CFAP74: variants seen among roughly 807,000 people sequenced by gnomAD.
CFAP74 encodes cilia- and flagella-associated protein 74.
CFAP74 carries 124 observed loss-of-function variants against 188.9 expected under a neutral mutation model. The observed-to-expected ratio is 0.66, with a 90% CI of 0.57 to 0.76. CFAP74 has a LOEUF of 0.76. CFAP74 is among the 30% of genes least tolerant of loss of function. The pLI is 0.00. For missense variants in CFAP74, 2,198 were observed against 2,165.2 expected (o/e 1.02, Z -0.30); for synonymous variants, 956 against 916.7 (o/e 1.04, Z -0.77).
intron 27 of CFAP74, among the ~76,000 whole-genome samples, chr1:1,928,118 CTTGGGAGGAAG>C (rs1256666148): frequency 4.7e-4 from 71 of 152,264 alleles, no homozygotes; most frequent in African/African-American, 5.5e-4. Flanking sequence ...AAGGCAAACC[CTTGGGAGGAAG>C]CCAGGCCGGG....
intron 27 of CFAP74, 94 bp downstream of exon 27, chr1:1,928,690 T>C: frequency 1.1e-6 from 1 of 890,716 alleles, no homozygotes; most frequent in Non-Finnish European, 1.7e-6. Context: ...TCCCGGCACG[T>C]GGCCGGAGCC....
At chr1:1,991,915 C>G (rs1657601576) in intron 1 of CFAP74, among the ~76,000 whole-genome samples, 1 of 151,798 alleles carries the variant, frequency 6.6e-6, no homozygotes, top group Non-Finnish European at 1.5e-5. Context: ...TGGCAGGCGC[C>G]TGCGGTCCCA....
chr1:1,997,472 G>T (rs1472822288), intron 1 of CFAP74, among the ~76,000 whole-genome samples: 2 of 151,180 alleles, frequency 1.3e-5, no homozygotes, highest in East Asian at 3.9e-4. Flanking sequence ...AGGGAAAAAT[G>T]GTCATTATTT....
chr1:1,956,818 C>T lies in CFAP74; in HGVS notation c.1852-34G>A, dbSNP rs771404013. 41 of 1,600,532 alleles carry T rather than the reference C, an allele frequency of 2.6e-5. No individual in the cohort carries two copies. In the East Asian group the frequency reaches 5.0e-4, roughly 20 times the overall value. On this transcript the variant is annotated intron_variant, in intron 16 of 38. Transcript: ENST00000682832. ...GGACATGGAGTGAACTCAGGGCCAC[C>T]GTGCCAGGCCCACAGGGTGCCCAGC...
chr1:1,990,272 C>G (rs568618878), intron 2 of CFAP74, among the ~76,000 whole-genome samples: 187 of 152,028 alleles, frequency 1.2e-3, no homozygotes, highest in African/African-American at 4.2e-3. Flanking sequence ...CAGCGGACTT[C>G]CGGCAAAACA....
intron 10 of CFAP74, among the ~76,000 whole-genome samples, chr1:1,969,557 C>G (rs1335785351): frequency 6.6e-6 from 1 of 152,124 alleles, no homozygotes; most frequent in Non-Finnish European, 1.5e-5. Flanking sequence ...GCCCTTATTT[C>G]TAGGCTGGCG....
chr1:1,976,855 C>CTT (rs147484570), intron 6 of CFAP74, among the ~76,000 whole-genome samples: 30,485 of 146,932 alleles, frequency 0.21, 3,948 homozygotes, highest in Non-Finnish European at 0.29. Flanking sequence ...AACCTCTTTT[C>CTT]TTTTTTTTTT....
At chr1:1,963,033 A>G (rs1206064119) in intron 14 of CFAP74, among the ~76,000 whole-genome samples, 1 of 152,252 alleles carries the variant, frequency 6.6e-6, no homozygotes, top group African/African-American at 2.4e-5. Context: ...ACAGAGTGAA[A>G]GCACGGCCTT....
chr1:1,967,287 A>G (rs563993085), intron 11 of CFAP74, among the ~76,000 whole-genome samples: 99 of 152,032 alleles, frequency 6.5e-4, no homozygotes, highest in African/African-American at 2.2e-3. Flanking sequence ...GAGAAGGGGG[A>G]ACTGGGCCGG....
chr1:1,968,781 G>C lies in CFAP74; in HGVS notation c.1099C>G (p.Leu367Val). 6.2e-7 allele frequency: 1 copy of C among 1,614,080 alleles called. No individual in the cohort carries two copies. Among genetic ancestry groups the C allele is most frequent in the Non-Finnish European group, 8.5e-7 (1 of 1,179,972 alleles). ...TTTTCCTCCTCAGCCTCCTCTTTCA[G>C]AATCCGACTGATGATCTCCTGCTTT... ...LRKQEIISRI[L>V]KEEAEEEKRK... The change falls in exon 11 of 39, where the codon CTG becomes GTG. Residue 367 changes from leucine (L) to valine (V), a missense_variant. By Grantham distance (32) the Leu-to-Val change is conservative (BLOSUM62 1). Coordinates refer to ENST00000682832, the MANE Select transcript of CFAP74 (RefSeq NM_001304360.2). This position sits in a 1 kb window ranked among gnomAD's most constrained non-coding sequence, Gnocchi z 4.3.
chr1:1,978,839 G>A (rs890439170), intron 6 of CFAP74, among the ~76,000 whole-genome samples: 2 of 152,248 alleles, frequency 1.3e-5, no homozygotes, highest in South Asian at 4.1e-4. Context: ...CCGGGACACA[G>A]CACCAGCGCC....
intron 18 of CFAP74, chr1:1,953,860 T>G (rs1654356221): frequency 6.6e-6 from 1 of 152,344 alleles, no homozygotes; most frequent in Non-Finnish European, 1.5e-5. Flanking sequence ...ATGCAAAGAC[T>G]GGACTGAAGA....
At chr1:1,993,972 A>G (rs1465237015) in intron 1 of CFAP74, among the ~76,000 whole-genome samples, 1 of 150,866 alleles carries the variant, frequency 6.6e-6, no homozygotes, top group Admixed American at 6.6e-5. Flanking sequence ...ACAGAGCAAG[A>G]CTCCGTCTCA....
chr1:1,925,792 T>C lies in CFAP74; in HGVS notation c.4095A>G (p.Ser1365=). The change falls in exon 33 of 39, where the codon TCA becomes TCG. Residue 1365 remains serine (S), a synonymous_variant. Transcript: ENST00000682832. ...GYVIAGESVS[S]GFKLQNNSLL... ...CCCACGTGTGCTTCACCTTGAAGCCTGAGGACACAGACTCTCCGGCAATCA... is the reference window on the plus strand; with the variant it reads ...CCCACGTGTGCTTCACCTTGAAGCCCGAGGACACAGACTCTCCGGCAATCA... 1 of 1,611,782 alleles carries C rather than the reference T, an allele frequency of 6.2e-7. No individual in the cohort carries two copies. Among genetic ancestry groups the C allele is most frequent in the Non-Finnish European group, 8.5e-7 (1 of 1,179,340 alleles).
chr1:1,965,895 CACT>C (rs1655433045), intron 12 of CFAP74, among the ~76,000 whole-genome samples: 2 of 152,254 alleles, frequency 1.3e-5, no homozygotes, highest in Non-Finnish European at 2.9e-5. Context: ...GCCTGAGCCA[CACT>C]GCTGCAGAGA....
In CFAP74 at chr1:1,923,469, C is replaced by T; in HGVS notation, c.4420G>A (p.Ala1474Thr). The T allele has an allele frequency of 6.2e-7, 1 of 1,611,740 alleles. No individual in the cohort carries two copies. Among genetic ancestry groups the T allele is most frequent in the Non-Finnish European group, 8.5e-7 (1 of 1,179,330 alleles). ...ACGAACATCATGTGCTGACAGGCGG[C>T]ACCCTTCAGCAGGATCTGGTGGGAG... ...KISHQILLKGAACQHMMFVEG... is the reference protein window; with the variant it reads ...KISHQILLKGTACQHMMFVEG... The change falls in exon 36 of 39, where the codon GCC (alanine) becomes ACC (threonine). Residue 1474 changes from alanine (A) to threonine (T), a missense_variant. Ala to Thr is a moderately conservative substitution (Grantham distance 58, BLOSUM62 0). Transcript: ENST00000682832. This position sits in a 1 kb window ranked among gnomAD's most constrained non-coding sequence, Gnocchi z 6.3.
Position 1,923,113 on chromosome 1 carries a change from C to CCCA in CFAP74, c.4554_4555insTGG (p.Glu1518_Ala1519insTrp). 3.1e-6 allele frequency: 5 copies of CCCA among 1,609,902 alleles called. No homozygotes were observed. The highest frequency in any genetic ancestry group is 4.2e-6 in the Non-Finnish European group (5 of 1,179,126). On this transcript the variant is annotated inframe_insertion, in exon 37 of 39. Coordinates refer to ENST00000682832, the MANE Select transcript of CFAP74 (RefSeq NM_001304360.2). This position sits in a 1 kb window ranked among gnomAD's most constrained non-coding sequence, Gnocchi z 6.3. ...ACCAGGATGGGCCTCAGCTCCTCAG[C>CCCA]TTCTGGAGAGAGAGGGCCTGGCCGG...
intron 10 of CFAP74, among the ~76,000 whole-genome samples, 194 bp downstream of exon 10, chr1:1,970,465 G>C (rs1475070385): frequency 6.6e-6 from 1 of 152,208 alleles, no homozygotes; most frequent in Non-Finnish European, 1.5e-5. Context: ...GGCAGGGCTG[G>C]GCAGGCTGAG....
chr1:1,954,804 T>G, intron 18 of CFAP74: 1 of 1,119,854 alleles, frequency 8.9e-7, no homozygotes, highest in Non-Finnish European at 1.1e-6. Context: ...CACTTTGGTA[T>G]TAGCTGATGC....
Sources: allele counts gnomAD v4.1 joint callset (sites outside exome capture counted in the v4.1 genomes callset), GRCh38; gene constraint gnomAD v4.1.1; non-coding constraint Gnocchi (gnomAD v3.1); transcripts MANE v1.5; gene names NCBI Gene and HGNC (gene_info 2026-07-23, HGNC 2026-07-21).